MYO9B: variants seen among roughly 807,000 people sequenced by gnomAD.
MYO9B encodes unconventional myosin-IXb.
In MYO9B, 71 loss-of-function variants were observed where a neutral mutation model predicts 229.5. The ratio of observed to expected loss-of-function variants is 0.31; its 90% CI spans 0.26 to 0.38. MYO9B has a LOEUF of 0.38. MYO9B is among the 10% of genes least tolerant of loss of function. The pLI is 1.00. For missense variants in MYO9B, 2,255 were observed against 2,920.5 expected, an observed-to-expected ratio of 0.77 and a Z score of 5.25; for synonymous variants, 1,185 against 1,235.8, an observed-to-expected ratio of 0.96 and a Z score of 0.86.
chr19:17,179,038 A>C (rs1030937903), intron 14 of MYO9B, among the ~76,000 whole-genome samples: 13 of 151,532 alleles, frequency 8.6e-5, no homozygotes, highest in Non-Finnish European at 1.3e-4. Flanking sequence ...AAAAAAAAAA[A>C]AAAAAAAAAA....
intron 10 of MYO9B, among the ~76,000 whole-genome samples, chr19:17,165,702 G>A (rs1389684850): frequency 6.6e-6 from 1 of 152,124 alleles, no homozygotes; most frequent in Non-Finnish European, 1.5e-5. Flanking sequence ...TCGAGCCCAG[G>A]AGTTTGAGGC....
At chr19:17,084,709 C>CAA (rs903470342) in intron 1 of MYO9B, among the ~76,000 whole-genome samples, 6 of 81,288 alleles carry the variant, frequency 7.4e-5, no homozygotes, top group Non-Finnish European at 1.3e-4. Flanking sequence ...ACTAAAAATA[C>CAA]AAAAAAAAAA....
At chr19:17,104,055 C>CA (rs34012365) in intron 2 of MYO9B, among the ~76,000 whole-genome samples, 59,692 of 135,710 alleles carry the variant, frequency 0.44, 13,329 homozygotes, top group Middle Eastern at 0.59. Context: ...AACTCCATCT[C>CA]AAAAAAAAAA....
intron 9 of MYO9B, 114 bp from the exon 10 acceptor site, chr19:17,162,873 GC>G (rs1443472241): frequency 8.5e-7 from 1 of 1,171,142 alleles, no homozygotes; most frequent in Non-Finnish European, 1.2e-6. Context: ...GTTCTGCCGA[GC>G]AACAGGGACT....
intron 18 of MYO9B, 89 bp from the exon 19 acceptor site, chr19:17,187,846 C>G: frequency 1.8e-6 from 2 of 1,102,844 alleles, no homozygotes; most frequent in Non-Finnish European, 2.6e-6. Context: ...GTGCCCTCAT[C>G]TCACAGTTCC....
chr19:17,198,147 C>A, intron 23 of MYO9B, 37 bp from the exon 24 acceptor site: 1 of 1,612,112 alleles, frequency 6.2e-7, no homozygotes. Flanking sequence ...GGACTGCCAG[C>A]CTTTCCTTAG....
chr19:17,151,425 A>G (rs751364486), intron 3 of MYO9B, among the ~76,000 whole-genome samples: 6 of 152,222 alleles, frequency 3.9e-5, no homozygotes, highest in Non-Finnish European at 7.3e-5. Flanking sequence ...GACCCAGAGA[A>G]GGTACCTGCA....
At chr19:17,194,409 C>T (rs2073018324) in intron 21 of MYO9B, 147 bp from the exon 22 acceptor site, 1 of 871,058 alleles carries the variant, frequency 1.1e-6, no homozygotes, top group East Asian at 2.6e-5. Context: ...CGAGGAGATT[C>T]CTGCTTTCCA....
intron 2 of MYO9B, among the ~76,000 whole-genome samples, chr19:17,104,191 A>G (rs1440665794): frequency 3.3e-5 from 5 of 152,146 alleles, no homozygotes; most frequent in Admixed American, 6.6e-5. Context: ...GGACATTTCT[A>G]GGGGGACCAG....
intron 1 of MYO9B, among the ~76,000 whole-genome samples, chr19:17,089,774 T>G (rs879746617): frequency 2.0e-5 from 3 of 151,854 alleles, no homozygotes; most frequent in Non-Finnish European, 2.9e-5. Flanking sequence ...TTAAAAGGAG[T>G]GATCATTTTT....
In MYO9B at chr19:17,175,479, G is replaced by A. The variant is rs887086444; in HGVS notation, c.2141-184G>A. Among the ~76,000 whole-genome samples the A allele has an allele frequency of 9.9e-5, 15 of 151,864 alleles. No individual in the cohort carries two copies. In the South Asian group the frequency reaches 1.0e-3, roughly 11 times the overall value. ...CTGTAGTCCTAGCTACTCAGGAGGC[G>A]GAGGCAGGAGAATCCCTTGAACTCA... On this transcript the variant is annotated intron_variant, in intron 13 of 39. Transcript: ENST00000682292.
chr19:17,084,348 A>AC (rs1408353875), intron 1 of MYO9B, among the ~76,000 whole-genome samples: 2 of 151,964 alleles, frequency 1.3e-5, no homozygotes, highest in African/African-American at 4.8e-5. Context: ...AAAAAAAAAA[A>AC]AATTATTGGG....
chr19:17,195,018 C>T lies in MYO9B; in HGVS notation c.3591C>T (p.Ser1197=), dbSNP rs765481522. 2.3e-5 allele frequency: 37 copies of T among 1,613,048 alleles called. No homozygotes were observed. The highest frequency in any genetic ancestry group is 3.0e-5 in the Non-Finnish European group (35 of 1,179,890). The change falls in exon 22 of 40, where the codon AGC becomes AGT. Residue 1197 remains serine (S), a synonymous_variant. Transcript: ENST00000682292. This position sits in a 1 kb window ranked among gnomAD's most constrained non-coding sequence, Gnocchi z 4.5. ...GTCTCCTGGAAGACAAAAAGGAGAG[C>T]AGAGAAGATGAAACCCTTCTAGTCG... ...GVSLLEDKKE[S]REDETLLVVE... is the part of the protein sequence containing the mutation.
chr19:17,108,251 T>G (rs1599330386), intron 2 of MYO9B, among the ~76,000 whole-genome samples: 1 of 152,104 alleles, frequency 6.6e-6, no homozygotes, highest in African/African-American at 2.4e-5. Flanking sequence ...CGCTCGAGGG[T>G]GGTGCCCACG....
chr19:17,212,398 C>G lies in MYO9B; in HGVS notation c.*88C>G, dbSNP rs990001285. On this transcript the variant is annotated 3_prime_UTR_variant, in exon 40 of 40. Transcript: ENST00000682292. This position sits in a 1 kb window ranked among gnomAD's most constrained non-coding sequence, Gnocchi z 5.4. ...AGCTGCAGAGCTAGTGTTCGGCCCT[C>G]AGAGAAGGATCCAGAATCAAAAGCT... is the stretch of plus-strand genomic sequence containing the variant. The G allele has an allele frequency of 8.8e-6, 12 of 1,356,488 alleles. No homozygotes were observed. The highest frequency in any genetic ancestry group is 1.5e-5 in the African/African-American group (1 of 67,156). 84.0% of individuals were successfully genotyped at this position (1,356,488 alleles called of 1,614,324 possible).
Position 17,212,270 on chromosome 19 carries a change from C to T in MYO9B, c.6434C>T (p.Thr2145Met), listed in dbSNP as rs1220426565. 21 of 1,558,370 alleles carry T rather than the reference C, an allele frequency of 1.3e-5. No homozygotes were observed. Among genetic ancestry groups the T allele is most frequent in the Admixed American group, 2.0e-5 (1 of 49,940 alleles). ...GAKRRYSDPPTYCLPPASGQT... is the reference protein window; with the variant it reads ...GAKRRYSDPPMYCLPPASGQT... ...AAGCGGAGGTACTCGGATCCCCCAA[C>T]GTACTGCCTGCCCCCCGCCTCGGGC... is the stretch of plus-strand genomic sequence containing the variant. The change falls in exon 40 of 40, where the codon ACG (threonine) becomes ATG (methionine). Residue 2145 changes from threonine to methionine, a missense_variant. By Grantham distance (81) the Thr-to-Met change is moderately conservative (BLOSUM62 -1). Coordinates refer to ENST00000682292, the MANE Select transcript of MYO9B (RefSeq NM_004145.4). The surrounding 1 kb of genome is among the most constrained non-coding windows in gnomAD (Gnocchi z 5.4).
At chr19:17,086,375 C>T (rs970870348) in intron 1 of MYO9B, among the ~76,000 whole-genome samples, 2 of 152,246 alleles carry the variant, frequency 1.3e-5, no homozygotes, top group Non-Finnish European at 2.9e-5. Flanking sequence ...GCACGTCCAG[C>T]TCGTTTGCAC....
chr19:17,158,096 G>A (rs1374129481), intron 7 of MYO9B, among the ~76,000 whole-genome samples: 1 of 152,106 alleles, frequency 6.6e-6, no homozygotes. Context: ...CAGCGCACAG[G>A]ACAGCCCCCC....
chr19:17,190,334 C>G (rs959643936), intron 19 of MYO9B, among the ~76,000 whole-genome samples: 1 of 151,584 alleles, frequency 6.6e-6, no homozygotes. Context: ...CATGGGGTTA[C>G]AGGCGCCTGC....
Sources: allele counts gnomAD v4.1 joint callset (sites outside exome capture counted in the v4.1 genomes callset), GRCh38; gene constraint gnomAD v4.1.1; non-coding constraint Gnocchi (gnomAD v3.1); transcripts MANE v1.5; gene names NCBI Gene and HGNC (gene_info 2026-07-23, HGNC 2026-07-21).